The following CAMTA1 variants were observed in gnomAD, a reference collection of about 807,000 sequenced individuals.
CAMTA1 encodes calmodulin binding transcription activator 1, also known as calmodulin-binding transcription activator 1.
A neutral mutation model predicts 170.9 loss-of-function variants in CAMTA1; 27 were observed. That is an observed-to-expected ratio of 0.16 (90% CI 0.12 to 0.22). The LOEUF is 0.22. Among genes scored for constraint, CAMTA1 ranks in the 10% least tolerant of loss-of-function variants. The pLI is 1.00. For missense variants in CAMTA1, 1,619 were observed against 2,217.2 expected (o/e 0.73, Z 5.42); for synonymous variants, 833 against 891.5 (o/e 0.93, Z 1.17).
intron 4 of CAMTA1, among the ~76,000 whole-genome samples, chr1:7,214,757 T>A (rs1424676237): frequency 6.6e-6 from 1 of 152,224 alleles, no homozygotes; most frequent in African/African-American, 2.4e-5. Context: ...CTTTGCCTAG[T>A]CCTAGTTCCC....
intron 6 of CAMTA1, among the ~76,000 whole-genome samples, chr1:7,610,913 C>A (rs1391554647): frequency 6.6e-6 from 1 of 152,236 alleles, no homozygotes; most frequent in African/African-American, 2.4e-5. Context: ...GCTTCCCAGT[C>A]CTGGTAACTA....
chr1:7,225,194 C>T (rs1452202864), intron 4 of CAMTA1, among the ~76,000 whole-genome samples: 3 of 152,140 alleles, frequency 2.0e-5, no homozygotes, highest in Non-Finnish European at 4.4e-5. Context: ...ATGCCATTCT[C>T]CTGCCTCAGC....
At chr1:6,954,859 C>T (rs191728818) in intron 3 of CAMTA1, among the ~76,000 whole-genome samples, 26 of 152,186 alleles carry the variant, frequency 1.7e-4, no homozygotes, top group East Asian at 5.8e-4. Context: ...TTGCCTGGGA[C>T]GGGCTGGGGA....
intron 4 of CAMTA1, among the ~76,000 whole-genome samples, chr1:7,160,970 T>G (rs1393317682): frequency 6.6e-6 from 1 of 152,216 alleles, no homozygotes; most frequent in Non-Finnish European, 1.5e-5. Context: ...CTCTCTGTCC[T>G]TCTTAAGCCC....
At chr1:7,600,577 C>A (rs1440484701) in intron 6 of CAMTA1, among the ~76,000 whole-genome samples, 1 of 151,046 alleles carries the variant, frequency 6.6e-6, no homozygotes. Flanking sequence ...GAGGGAAGGT[C>A]AGCAGATAAG....
chr1:7,194,610 C>A (rs1053179414), intron 4 of CAMTA1, among the ~76,000 whole-genome samples: 5 of 152,174 alleles, frequency 3.3e-5, no homozygotes, highest in African/African-American at 1.2e-4. Context: ...GCGTTACATC[C>A]TGCTGTTTTA....
chr1:7,383,703 G>A (rs536151285), intron 5 of CAMTA1, among the ~76,000 whole-genome samples: 2 of 152,150 alleles, frequency 1.3e-5, no homozygotes, highest in African/African-American at 2.4e-5. Flanking sequence ...CGATGCTGTC[G>A]AACAAGATGA....
intron 4 of CAMTA1, among the ~76,000 whole-genome samples, chr1:7,094,780 G>A (rs981188612): frequency 1.3e-5 from 2 of 152,150 alleles, no homozygotes; most frequent in African/African-American, 2.4e-5. Context: ...CAAACAGCCC[G>A]TATTGTACTC....
chr1:6,840,776 C>T (rs1655351231), intron 3 of CAMTA1, among the ~76,000 whole-genome samples: 1 of 152,094 alleles, frequency 6.6e-6, no homozygotes, highest in Non-Finnish European at 1.5e-5. Context: ...GCAGGAGGAG[C>T]CAGCACAGGA....
In CAMTA1 at chr1:7,236,746, A is replaced by T. The variant is rs1032461167; in HGVS notation, c.303-12745A>T. Among the ~76,000 whole-genome samples, 4 of 152,262 alleles carry T rather than the reference A, an allele frequency of 2.6e-5. No individual in the cohort carries two copies. The South Asian group carries it at 6.2e-4, about 24-fold the overall frequency. On this transcript the variant is annotated intron_variant, in intron 4 of 22. Coordinates refer to ENST00000303635, the MANE Select transcript of CAMTA1 (RefSeq NM_015215.4). ...AAATGGCAGCTCTTCTCATGGTCGC[A>T]GTTGTCCTGGTTGTTACTGACATTT...
At position 7,116,898 on chromosome 1, in the gene CAMTA1, C is replaced by T. The variant is rs1446138664; in HGVS notation, c.302+25527C>T. ...CGATCTCCTGACCTCGTGATCCACC[C>T]GCCTCGGCCTCCCAAAGTGCTGGGA... On this transcript the variant is annotated intron_variant, in intron 4 of 22. Coordinates refer to ENST00000303635, the MANE Select transcript of CAMTA1 (RefSeq NM_015215.4). Among the ~76,000 whole-genome samples the T allele has an allele frequency of 9.2e-5, 14 of 152,046 alleles. No homozygotes were observed. The South Asian group carries it at 1.0e-3, about 11-fold the overall frequency.
At chr1:7,515,644 G>T (rs1009992990) in intron 6 of CAMTA1, among the ~76,000 whole-genome samples, 1 of 152,162 alleles carries the variant, frequency 6.6e-6, no homozygotes, top group Admixed American at 6.5e-5. Context: ...AGCTCATCTC[G>T]GAGCGAGAGG....
chr1:7,465,713 C>G (rs1334919233), intron 5 of CAMTA1, among the ~76,000 whole-genome samples: 1 of 152,168 alleles, frequency 6.6e-6, no homozygotes, highest in East Asian at 1.9e-4. Flanking sequence ...GAAAGCGGGC[C>G]TGGGCCTTCC....
intron 1 of CAMTA1, among the ~76,000 whole-genome samples, chr1:6,790,375 A>AGAGAGTGTGT (rs951990612): frequency 4.3e-5 from 6 of 139,060 alleles, no homozygotes; most frequent in Non-Finnish European, 7.8e-5. Flanking sequence ...AGAGAGAGAG[A>AGAGAGTGTGT]GTGTGTGTGT....
chr1:7,224,602 C>T lies in CAMTA1; in HGVS notation c.303-24889C>T, dbSNP rs538579667. Among the ~76,000 whole-genome samples the T allele has an allele frequency of 1.8e-3, 277 of 152,304 alleles. 1 individual carries two copies. Among genetic ancestry groups the T allele is most frequent in the African/African-American group, 6.3e-3 (262 of 41,564 alleles). ...TCGTTTTGTACAGGAGCACAAAACT[C>T]ATGAATTCCGTCCCTGCTCAAGCGG... On this transcript the variant is annotated intron_variant, in intron 4 of 22. Coordinates refer to ENST00000303635, the MANE Select transcript of CAMTA1 (RefSeq NM_015215.4). This position sits in a 1 kb window ranked among gnomAD's most constrained non-coding sequence, Gnocchi z 5.2.
At chr1:7,640,685 C>A in intron 7 of CAMTA1, 132 bp downstream of exon 7, 1 of 1,042,562 alleles carries the variant, frequency 9.6e-7, no homozygotes, top group Non-Finnish European at 1.4e-6. Context: ...ATGACAGTGG[C>A]ACCGTGAGCT....
intron 3 of CAMTA1, among the ~76,000 whole-genome samples, chr1:7,069,782 A>G (rs1406858861): frequency 6.6e-6 from 1 of 152,216 alleles, no homozygotes; most frequent in Non-Finnish European, 1.5e-5. Flanking sequence ...CAAATCAGCA[A>G]AGTTTGGAGC....
At chr1:7,089,088 G>A (rs1641128573) in intron 3 of CAMTA1, among the ~76,000 whole-genome samples, 1 of 152,166 alleles carries the variant, frequency 6.6e-6, no homozygotes, top group South Asian at 2.1e-4. Flanking sequence ...TGAACTCATC[G>A]GGCTGCTAGA....
chr1:7,395,277 G>A (rs1387019430), intron 5 of CAMTA1, among the ~76,000 whole-genome samples: 2 of 152,156 alleles, frequency 1.3e-5, no homozygotes, highest in African/African-American at 2.4e-5. Flanking sequence ...TAATTTCATT[G>A]TTATGCATGT....
Sources: gnomAD v4.1 joint callset for allele counts (sites outside exome capture counted in the v4.1 genomes callset) on GRCh38, gnomAD v4.1.1 for gene constraint, Gnocchi (gnomAD v3.1) non-coding constraint, MANE v1.5 for transcripts, NCBI Gene and HGNC (gene_info 2026-07-23, HGNC 2026-07-21) for gene names.